Variants in OPCML observed in about 807,000 individuals in gnomAD.
The protein encoded by OPCML is opioid binding protein/cell adhesion molecule like.
Under a neutral mutation model 37.8 loss-of-function variants are expected in OPCML, and 13 were observed. The observed-to-expected ratio is 0.34, with a 90% confidence interval of 0.22 to 0.55. The LOEUF (loss-of-function observed/expected upper bound fraction) is 0.55. Among genes scored for constraint, OPCML ranks in the 20% least tolerant of loss-of-function variants. The pLI is 0.91. For synonymous variants in OPCML, 176 were observed against 168.8 expected, an observed-to-expected ratio of 1.04 and a Z score of -0.33; for missense variants, 341 against 435.6, an observed-to-expected ratio of 0.78 and a Z score of 1.93.
intron 4 of OPCML, among the ~76,000 whole-genome samples, chr11:132,522,797 C>A (rs1404760163): frequency 6.6e-6 from 1 of 152,190 alleles, no homozygotes; most frequent in Non-Finnish European, 1.5e-5. Flanking sequence ...CACCATCCAA[C>A]AGGGATCGAT....
rs2095939981 is a variant in OPCML at position 132,416,723 on chromosome 11, G to A, written c.*3470C>T. 1 of 152,248 alleles carries A rather than the reference G, an allele frequency of 6.6e-6. No individual in the cohort carries two copies. Among genetic ancestry groups the A allele is most frequent in the African/African-American group, 2.4e-5 (1 of 41,418 alleles). The allele number at this position is 152,248 out of a possible 1,614,324, so 9.4% of individuals were successfully genotyped here. ...CTTACCTTTTCTTCTGTTTCGTGGAGCACAGTTGCAGCAGAACAGCCATGC... is the reference window on the plus strand; with the variant it reads ...CTTACCTTTTCTTCTGTTTCGTGGAACACAGTTGCAGCAGAACAGCCATGC... On this transcript the variant is annotated 3_prime_UTR_variant, in exon 8 of 8. Transcript: ENST00000524381.
intron 1 of OPCML, among the ~76,000 whole-genome samples, chr11:133,044,525 GA>G (rs953048835): frequency 3.9e-5 from 6 of 152,168 alleles, no homozygotes; most frequent in African/African-American, 1.4e-4. Context: ...ACCCAAAAAA[GA>G]GGCCGAGGGC....
At chr11:133,336,424 C>T (rs1479206682) in intron 1 of OPCML, among the ~76,000 whole-genome samples, 1 of 151,788 alleles carries the variant, frequency 6.6e-6, no homozygotes, top group East Asian at 1.9e-4. Flanking sequence ...GAATCTAGGA[C>T]CAGACAAATC....
At chr11:132,958,654 C>A (rs1946020205) in intron 1 of OPCML, among the ~76,000 whole-genome samples, 1 of 152,216 alleles carries the variant, frequency 6.6e-6, no homozygotes, top group South Asian at 2.1e-4. Context: ...AAAACCAATA[C>A]TCATTTATCA....
intron 1 of OPCML, among the ~76,000 whole-genome samples, chr11:133,117,585 G>C (rs968184056): frequency 1.3e-5 from 2 of 152,144 alleles, no homozygotes; most frequent in Non-Finnish European, 2.9e-5. Flanking sequence ...CATATGAGAA[G>C]TATTTACCTA....
At chr11:132,552,763 CTTTTTTTT>C (rs562056846) in intron 3 of OPCML, among the ~76,000 whole-genome samples, 1 of 92,802 alleles carries the variant, frequency 1.1e-5, no homozygotes, top group African/African-American at 5.6e-5. Context: ...AAACACTACT[CTTTTTTTT>C]TTTTTTTTGA....
chr11:132,982,423 T>C (rs1198297569), intron 1 of OPCML, among the ~76,000 whole-genome samples: 1 of 152,064 alleles, frequency 6.6e-6, no homozygotes, highest in East Asian at 1.9e-4. Context: ...TAAGGCTCTT[T>C]AGGTGTCCAG....
chr11:132,858,144 A>C (rs1942137234), intron 2 of OPCML, among the ~76,000 whole-genome samples: 1 of 152,224 alleles, frequency 6.6e-6, no homozygotes, highest in Non-Finnish European at 1.5e-5. Context: ...CTGACAGCCT[A>C]ATTTTCTAAC....
intron 1 of OPCML, among the ~76,000 whole-genome samples, chr11:133,391,160 C>A (rs1289754786): frequency 6.6e-6 from 1 of 152,128 alleles, no homozygotes; most frequent in African/African-American, 2.4e-5. Context: ...TGGTTTAATG[C>A]GAAGACACGG....
intron 3 of OPCML, among the ~76,000 whole-genome samples, chr11:132,595,152 C>CT (rs2137733050): frequency 6.7e-6 from 1 of 149,894 alleles, no homozygotes; most frequent in East Asian, 2.0e-4. Context: ...GGCTGTGCTG[C>CT]GGTTTGTGAG....
chr11:132,453,864 A>T (rs1282688303), intron 4 of OPCML, among the ~76,000 whole-genome samples: 1 of 152,164 alleles, frequency 6.6e-6, no homozygotes, highest in East Asian at 1.9e-4. Flanking sequence ...TTCACACTGC[A>T]GGTTATTTCC....
At chr11:133,076,521 G>C (rs1948622980) in intron 1 of OPCML, among the ~76,000 whole-genome samples, 1 of 152,028 alleles carries the variant, frequency 6.6e-6, no homozygotes, top group South Asian at 2.1e-4. Flanking sequence ...TAGAATTCTA[G>C]GCCAGAATTG....
rs370326186 is a variant in OPCML, at chr11:132,439,502, C to T, written c.506-2143G>A. ...TACACTAACTCTTCAAGGTGCATTA[C>T]GGTTATGCAAACACTTTCTTGCCCT... On this transcript the variant is annotated intron_variant, in intron 4 of 7. Transcript: ENST00000524381. 1.8e-4 allele frequency among the ~76,000 whole-genome samples: 28 copies of T among 152,320 alleles called. No homozygotes were observed. The South Asian group carries it at 5.4e-3, about 29-fold the overall frequency.
At chr11:132,987,352 G>A (rs570770349) in intron 1 of OPCML, among the ~76,000 whole-genome samples, 2 of 152,270 alleles carry the variant, frequency 1.3e-5, no homozygotes, top group East Asian at 3.9e-4. Context: ...TCATGTAGAT[G>A]TAAGAACGTG....
chr11:132,788,437 T>C (rs1243211529), intron 2 of OPCML, among the ~76,000 whole-genome samples: 1 of 152,210 alleles, frequency 6.6e-6, no homozygotes, highest in Non-Finnish European at 1.5e-5. Flanking sequence ...CTGCTCCTTA[T>C]ATCTAAGGAT....
At chr11:132,498,891 T>G (rs1174985357) in intron 4 of OPCML, among the ~76,000 whole-genome samples, 2 of 151,480 alleles carry the variant, frequency 1.3e-5, no homozygotes, top group African/African-American at 2.5e-5. Context: ...AAAATGTGGT[T>G]GCTCCAAATC....
chr11:132,697,550 G>T (rs139167288), intron 2 of OPCML, among the ~76,000 whole-genome samples: 1 of 151,992 alleles, frequency 6.6e-6, no homozygotes, highest in African/African-American at 2.4e-5. Flanking sequence ...TCCTATGCCC[G>T]CTTTGTTTTA....
intron 2 of OPCML, among the ~76,000 whole-genome samples, chr11:132,917,903 G>T (rs2136568482): frequency 6.6e-6 from 1 of 152,278 alleles, no homozygotes; most frequent in African/African-American, 2.4e-5. Context: ...GATCCACTGG[G>T]TCTTTATACA....
At chr11:133,437,899 A>C (rs1946278149) in intron 1 of OPCML, among the ~76,000 whole-genome samples, 1 of 152,232 alleles carries the variant, frequency 6.6e-6, no homozygotes, top group African/African-American at 2.4e-5. Flanking sequence ...CTTGCATTCA[A>C]GTATGAGGAC....
Sources: gnomAD v4.1 joint callset for allele counts (sites outside exome capture counted in the v4.1 genomes callset) on GRCh38, gnomAD v4.1.1 for gene constraint, MANE v1.5 for transcripts, NCBI Gene and HGNC (gene_info 2026-07-23, HGNC 2026-07-21) for gene names.